The following SHROOM3 variants were observed in gnomAD, a reference collection of about 807,000 sequenced individuals.
SHROOM3 encodes protein Shroom3.
SHROOM3 carries 47 observed loss-of-function variants against 138.6 expected under a neutral mutation model. The ratio of observed to expected loss-of-function variants is 0.34; its 90% confidence interval spans 0.27 to 0.43. The LOEUF (loss-of-function observed/expected upper bound fraction) is 0.43. Ranked by LOEUF, SHROOM3 falls within the 20% of genes least tolerant of loss-of-function variation. SHROOM3 has a pLI of 1.00. For missense variants in SHROOM3, 2,491 were observed against 2,596.5 expected (o/e 0.96, Z 0.88); for synonymous variants, 1,062 against 1,063.3 (o/e 1.00, Z 0.02).
chr4:76,693,370 G>GTTTTTTTTTTTTTTTTTTTT (rs10648549), intron 2 of SHROOM3, among the ~76,000 whole-genome samples: 20 of 79,830 alleles, frequency 2.5e-4, no homozygotes, highest in African/African-American at 9.2e-4. Context: ...TGATAAGTTT[G>GTTTTTTTTTTTTTTTTTTTT]TTTTTTTTTT....
Position 76,754,455 on chromosome 4 carries a change from G to GA in SHROOM3, c.3972_3973insA (p.Gln1325ThrfsTer4). 1 of 1,614,160 alleles carries GA rather than the reference G, an allele frequency of 6.2e-7. No individual in the cohort carries two copies. Among genetic ancestry groups the GA allele is most frequent in the Non-Finnish European group, 8.5e-7 (1 of 1,180,024 alleles). On this transcript the variant is annotated frameshift_variant, in exon 7 of 11. Coordinates refer to ENST00000296043, the MANE Select transcript of SHROOM3 (RefSeq NM_020859.4). LOFTEE classifies it high-confidence loss of function. ...GTCCTGGAACCCTGGACCATCAGAG[G>GA]CAAGCCAGTAGGACACCCTGCCCCA...
chr4:76,708,769 A>G (rs1720140191), intron 2 of SHROOM3, among the ~76,000 whole-genome samples: 1 of 152,204 alleles, frequency 6.6e-6, no homozygotes, highest in Non-Finnish European at 1.5e-5. Context: ...TCATGCTCCT[A>G]AAACCATGGT....
At chr4:76,489,104 G>A (rs1303927647) in intron 1 of SHROOM3, among the ~76,000 whole-genome samples, 1 of 152,194 alleles carries the variant, frequency 6.6e-6, no homozygotes, top group African/African-American at 2.4e-5. Context: ...AAATGAACTG[G>A]TGAACTGAGG....
At chr4:76,446,591 C>T (rs1037642233) in intron 1 of SHROOM3, among the ~76,000 whole-genome samples, 6 of 152,080 alleles carry the variant, frequency 3.9e-5, no homozygotes, top group East Asian at 1.9e-4. Context: ...AACCTCAACC[C>T]CCAAGGCCTG....
At chr4:76,764,490 G>A (rs1722085802) in intron 9 of SHROOM3, among the ~76,000 whole-genome samples, 1 of 152,182 alleles carries the variant, frequency 6.6e-6, no homozygotes, top group South Asian at 2.1e-4. Context: ...TGAAGTTCCA[G>A]CTCTCCCTCT....
intron 5 of SHROOM3, among the ~76,000 whole-genome samples, chr4:76,748,225 T>C (rs1721505463): frequency 6.6e-6 from 1 of 152,170 alleles, no homozygotes; most frequent in Non-Finnish European, 1.5e-5. Context: ...GTTAACCCAT[T>C]GGGCAGGGTT....
intron 1 of SHROOM3, among the ~76,000 whole-genome samples, chr4:76,463,265 C>T (rs1203830958): frequency 2.0e-5 from 3 of 152,094 alleles, no homozygotes; most frequent in African/African-American, 7.2e-5. Context: ...GGCATTGTGC[C>T]CCTGCTCTAG....
chr4:76,661,077 G>T (rs2110093123), intron 2 of SHROOM3, among the ~76,000 whole-genome samples: 1 of 152,106 alleles, frequency 6.6e-6, no homozygotes, highest in South Asian at 2.1e-4. Context: ...GATTACAGGT[G>T]TGAGCCACTG....
intron 2 of SHROOM3, among the ~76,000 whole-genome samples, chr4:76,557,978 T>C (rs1733521961): frequency 6.6e-6 from 1 of 152,106 alleles, no homozygotes; most frequent in East Asian, 1.9e-4. Context: ...ATTCCTTGTG[T>C]CCAGAGAGTG....
chr4:76,593,963 A>G (rs763178488), intron 2 of SHROOM3, among the ~76,000 whole-genome samples: 1 of 152,234 alleles, frequency 6.6e-6, no homozygotes, highest in Non-Finnish European at 1.5e-5. Context: ...ATCAGTGGGC[A>G]GAGTGGACTG....
intron 2 of SHROOM3, among the ~76,000 whole-genome samples, chr4:76,600,326 A>G (rs1734480823): frequency 8.3e-6 from 1 of 120,438 alleles, no homozygotes; most frequent in African/African-American, 2.8e-5. Context: ...AGTAGGTTAT[A>G]TACATGGCTT....
chr4:76,532,062 C>G (rs1011290664), intron 1 of SHROOM3, among the ~76,000 whole-genome samples: 3 of 139,810 alleles, frequency 2.1e-5, no homozygotes, highest in African/African-American at 8.3e-5. Context: ...CCCCCCTCCC[C>G]CCATCCCATG....
chr4:76,739,847 T>C lies in SHROOM3; in HGVS notation c.1674T>C (p.His558=). ...ATAKYVPSKV[H]FCSVPENEED... The stretch of plus-strand genomic sequence containing the variant: ...CCAAGTATGTCCCCTCCAAAGTCCA[T>C]TTCTGTTCAGTGCCTGAAAATGAGG... Residue 558 remains histidine, a synonymous_variant, in exon 5 of 11, where the codon CAT becomes CAC. Transcript: ENST00000296043. 4 of 1,614,170 alleles carry C rather than the reference T, an allele frequency of 2.5e-6. No homozygotes were observed. In the South Asian group the frequency reaches 3.3e-5, roughly 13 times the overall value.
Position 76,455,597 on chromosome 4 carries a change from T to C in SHROOM3, c.168+19377T>C, listed in dbSNP as rs1731011497. On this transcript the variant is annotated intron_variant, in intron 1 of 10. Transcript: ENST00000296043. ...GAAAAATCCACACACAAAAGCTACA[T>C]TGGCAAAGGACATGAGCATGAAATT... 2.0e-5 allele frequency among the ~76,000 whole-genome samples: 3 copies of C among 152,046 alleles called. No homozygotes were observed. In the South Asian group the frequency reaches 6.2e-4, roughly 32 times the overall value.
intron 2 of SHROOM3, among the ~76,000 whole-genome samples, chr4:76,602,470 T>C (rs550223610): frequency 6.6e-6 from 1 of 152,286 alleles, no homozygotes; most frequent in African/African-American, 2.4e-5. Flanking sequence ...CATATGTTAA[T>C]TTTCTTGATT....
At chr4:76,556,784 C>A (rs554640003) in intron 2 of SHROOM3, among the ~76,000 whole-genome samples, 27 of 152,288 alleles carry the variant, frequency 1.8e-4, no homozygotes, top group South Asian at 1.2e-3. Context: ...CTCTTAAAGA[C>A]CTGCATTAAT....
intron 2 of SHROOM3, among the ~76,000 whole-genome samples, chr4:76,678,743 C>T (rs1719109168): frequency 6.6e-6 from 1 of 152,184 alleles, no homozygotes; most frequent in South Asian, 2.1e-4. Flanking sequence ...TCACTGCAAC[C>T]TCCGCCTCCC....
chr4:76,646,812 CT>C (rs766050396), intron 2 of SHROOM3, among the ~76,000 whole-genome samples: 16 of 152,306 alleles, frequency 1.1e-4, no homozygotes, highest in Middle Eastern at 3.4e-3. Context: ...CTCTTATACA[CT>C]GTTGGTGGGA....
chr4:76,504,820 T>G (rs1237393248), intron 1 of SHROOM3, among the ~76,000 whole-genome samples: 1 of 152,198 alleles, frequency 6.6e-6, no homozygotes, highest in Non-Finnish European at 1.5e-5. Flanking sequence ...CTATCATTAC[T>G]ATCATCTGGA....
Sources: gnomAD v4.1 joint callset for allele counts (sites outside exome capture counted in the v4.1 genomes callset) on GRCh38, gnomAD v4.1.1 for gene constraint, MANE v1.5 for transcripts, NCBI Gene and HGNC (gene_info 2026-07-23, HGNC 2026-07-21) for gene names.